The following HDX variants were observed in gnomAD, a reference collection of about 807,000 sequenced individuals.
HDX encodes highly divergent homeobox.
In HDX, 19 loss-of-function variants were observed where a neutral mutation model predicts 45.2. The observed-to-expected ratio is 0.42, with a 90% CI of 0.29 to 0.62. HDX has a LOEUF of 0.62. HDX is among the 20% of genes least tolerant of loss of function. The pLI, the probability that HDX is intolerant of heterozygous loss-of-function variation, is 0.20. For synonymous variants in HDX, 188 were observed against 172.8 expected (o/e 1.09, Z -0.69); for missense variants, 532 against 493.9 (o/e 1.08, Z -0.73).
intron 5 of HDX, among the ~76,000 whole-genome samples, chrX:84,375,072 A>C (rs1275355871): frequency 2.1e-3 from 192 of 92,316 alleles, no homozygotes; most frequent in Admixed American, 2.9e-3. Context: ...ACCCCATCAA[A>C]AAGTGGGCAA....
At chrX:84,379,904 A>G (rs1037281645) in intron 5 of HDX, among the ~76,000 whole-genome samples, 1 of 111,299 alleles carries the variant, frequency 9.0e-6, no homozygotes, top group African/African-American at 3.2e-5. Flanking sequence ...AATGAAGAAA[A>G]CAATACATCA....
At chrX:84,437,224 A>C in intron 5 of HDX, among the ~76,000 whole-genome samples, 1 of 111,379 alleles carries the variant, frequency 9.0e-6, no homozygotes, top group East Asian at 2.8e-4. Flanking sequence ...GGCAAACATT[A>C]TATAGTAATA....
At chrX:84,473,030 AAAAAG>A (rs1258023060) in intron 3 of HDX, among the ~76,000 whole-genome samples, 17 of 109,200 alleles carry the variant, frequency 1.6e-4, no homozygotes, top group Non-Finnish European at 3.2e-4. Context: ...TCATAGGAAA[AAAAAG>A]AAAGAAAAGT....
intron 6 of HDX, among the ~76,000 whole-genome samples, chrX:84,359,355 C>T (rs2037563110): frequency 9.1e-6 from 1 of 109,377 alleles, no homozygotes; most frequent in South Asian, 4.0e-4. Context: ...CCCCCACCCC[C>T]CAACAGGCCC....
intron 6 of HDX, among the ~76,000 whole-genome samples, chrX:84,359,228 C>G (rs1040577204): frequency 9.1e-6 from 1 of 109,774 alleles, no homozygotes; most frequent in African/African-American, 3.3e-5. Flanking sequence ...TGTGCAGGAC[C>G]TGCAGGTTTG....
chrX:84,341,269 C>T (rs745886214), intron 7 of HDX, among the ~76,000 whole-genome samples: 23 of 110,969 alleles, frequency 2.1e-4, no homozygotes, highest in African/African-American at 7.2e-4. Flanking sequence ...TAAACACTAA[C>T]CAATGACAGA....
chrX:84,347,276 C>T (rs1193307940), intron 6 of HDX, among the ~76,000 whole-genome samples: 2 of 110,259 alleles, frequency 1.8e-5, no homozygotes, highest in African/African-American at 6.6e-5. Context: ...TTCACTGTAG[C>T]CTTGAACTCC....
chrX:84,362,757 C>A (rs1265681614), intron 5 of HDX, among the ~76,000 whole-genome samples: 1 of 111,226 alleles, frequency 9.0e-6, no homozygotes, highest in Non-Finnish European at 1.9e-5. Context: ...TCCTTTCTAA[C>A]TGAAATTTAA....
intron 5 of HDX, among the ~76,000 whole-genome samples, chrX:84,407,345 A>G (rs1424916312): frequency 9.0e-6 from 1 of 111,474 alleles, no homozygotes; most frequent in African/African-American, 3.3e-5. Context: ...TGTGCTTAGA[A>G]TAATGGCCTC....
chrX:84,362,253 C>T (rs1401308078), intron 5 of HDX, among the ~76,000 whole-genome samples: 1 of 111,054 alleles, frequency 9.0e-6, no homozygotes, highest in East Asian at 2.8e-4. Context: ...AATAAACTAT[C>T]GGATTTACAT....
At chrX:84,356,983 C>T (rs956810287) in intron 6 of HDX, among the ~76,000 whole-genome samples, 1 of 111,244 alleles carries the variant, frequency 9.0e-6, no homozygotes, top group African/African-American at 3.3e-5. Context: ...CTGTCCGTGT[C>T]TCCTCTCTTG....
intron 5 of HDX, among the ~76,000 whole-genome samples, chrX:84,412,357 TA>T (rs1255387663): frequency 7.2e-5 from 8 of 110,759 alleles, no homozygotes; most frequent in Non-Finnish European, 1.3e-4. Flanking sequence ...GGTCTGGTAT[TA>T]AAAAAAAATT....
At chrX:84,370,687 G>C (rs1245098736) in intron 5 of HDX, among the ~76,000 whole-genome samples, 1 of 111,998 alleles carries the variant, frequency 8.9e-6, no homozygotes, top group East Asian at 2.8e-4. Flanking sequence ...CATTTTACTT[G>C]TCTTACAAGC....
chrX:84,369,605 T>G lies in HDX; in HGVS notation c.1306-7993A>C, dbSNP rs181907847. On this transcript the variant is annotated intron_variant, in intron 5 of 10. Coordinates refer to ENST00000373177, the MANE Select transcript of HDX (RefSeq NM_001177479.2). ...CCATTTTCTGAACATGTGTGCGTGT[T>G]TTTGCACCTCTGTGTGTTTTTACAG... Among the ~76,000 whole-genome samples the G allele has an allele frequency of 2.4e-3, 268 of 112,151 alleles. 2 individuals are homozygous for G. Among genetic ancestry groups the G allele is most frequent in the African/African-American group, 8.3e-3 (258 of 30,899 alleles).
At chrX:84,414,954 G>C (rs1007913804) in intron 5 of HDX, among the ~76,000 whole-genome samples, 9 of 112,016 alleles carry the variant, frequency 8.0e-5, no homozygotes, top group African/African-American at 2.9e-4. Context: ...GTATCATAAG[G>C]AAACATAGTT....
intron 5 of HDX, among the ~76,000 whole-genome samples, chrX:84,375,823 A>G (rs1156432649): frequency 9.0e-6 from 1 of 111,133 alleles, no homozygotes; most frequent in Non-Finnish European, 1.9e-5. Flanking sequence ...GCAGCACACC[A>G]GCATGGCACA....
chrX:84,409,659 T>C (rs1213495302), intron 5 of HDX, among the ~76,000 whole-genome samples: 7 of 87,846 alleles, frequency 8.0e-5, no homozygotes, highest in East Asian at 7.5e-4. Context: ...CACTCATAGG[T>C]GGGAATTGAA....
At chrX:84,360,103 A>G (rs749389036) in intron 6 of HDX, among the ~76,000 whole-genome samples, 1 of 112,138 alleles carries the variant, frequency 8.9e-6, no homozygotes, top group South Asian at 3.7e-4. Flanking sequence ...AAACAACCCC[A>G]TTAAAAAGTG....
intron 5 of HDX, among the ~76,000 whole-genome samples, chrX:84,389,647 T>C (rs1410134660): frequency 5.4e-5 from 6 of 111,516 alleles, no homozygotes; most frequent in Non-Finnish European, 1.1e-4. Context: ...CTGTGCAGAA[T>C]AGACATGCGT....
Sources: gnomAD v4.1 joint callset for allele counts (sites outside exome capture counted in the v4.1 genomes callset) on GRCh38, gnomAD v4.1.1 for gene constraint, MANE v1.5 for transcripts, NCBI Gene and HGNC (gene_info 2026-07-23, HGNC 2026-07-21) for gene names.